The following CYGB variants were observed in gnomAD, a reference collection of about 807,000 sequenced individuals.
CYGB encodes the protein cytoglobin.
In CYGB, 13 loss-of-function variants were observed where a neutral mutation model predicts 20.7. That is an observed-to-expected ratio of 0.63 (90% CI 0.41 to 1.00). The LOEUF is 1.00. CYGB is among the 50% of genes least tolerant of loss of function. The pLI is 0.00. For missense variants in CYGB, 218 were observed against 257.2 expected, an observed-to-expected ratio of 0.85 and a Z score of 1.04; for synonymous variants, 93 against 107.4, an observed-to-expected ratio of 0.87 and a Z score of 0.83.
chr17:76,529,456 G>A, intron 3 of CYGB: 1 of 985,476 alleles, frequency 1.0e-6, no homozygotes, highest in South Asian at 4.7e-5. Context: ...AGGGTGGGGA[G>A]GGCAGGACGG....
In CYGB at chr17:76,530,179, C is replaced by T. The variant is rs2074818936; in HGVS notation, c.539+800G>A. ...GCTGGCTGACCTCTGCTTCCCATTC[C>T]CGCCTCCGCTCCTCTCCTCCTTCCT... On this transcript the variant is annotated intron_variant, in intron 3 of 3. Coordinates refer to ENST00000293230, the MANE Select transcript of CYGB (RefSeq NM_134268.5). The surrounding 1 kb of genome is among the most constrained non-coding windows in gnomAD (Gnocchi z 6.1). Among the ~76,000 whole-genome samples the T allele has an allele frequency of 6.6e-6, 1 of 152,152 alleles. No individual in the cohort carries two copies. The highest frequency in any genetic ancestry group is 6.5e-5 in the Admixed American group (1 of 15,274).
At position 76,537,500 on chromosome 17, in the gene CYGB, G is replaced by T; in HGVS notation, c.43C>A (p.Arg15=). ...TCCGCCTCGGACAGCTCCTCGCTCC[G>T]CTCCCTGCGCTCGATCTCCATCTCG... ...PGEMEIERRE[R]SEELSEAERK... Residue 15 remains arginine (R), a synonymous_variant, in exon 1 of 4, where the codon CGG becomes AGG. Transcript: ENST00000293230. 1 of 1,578,744 alleles carries T rather than the reference G, an allele frequency of 6.3e-7. No individual in the cohort carries two copies. The highest frequency in any genetic ancestry group is 8.6e-7 in the Non-Finnish European group (1 of 1,164,458).
chr17:76,548,806 A>G (rs1283122946), intron 1 of CYGB, among the ~76,000 whole-genome samples: 1 of 152,244 alleles, frequency 6.6e-6, no homozygotes, highest in African/African-American at 2.4e-5. Flanking sequence ...TGCCACAAAC[A>G]ACCAGAAAAC....
upstream of CYGB, among the ~76,000 whole-genome samples, chr17:76,541,007 A>C (rs1267534397): frequency 6.6e-6 from 1 of 152,126 alleles, no homozygotes; most frequent in Non-Finnish European, 1.5e-5. Context: ...CCCCAATAGA[A>C]GGCGCGGGAG....
intron 3 of CYGB, chr17:76,529,267 G>C (rs560727757): frequency 1.9e-5 from 19 of 985,434 alleles, no homozygotes; most frequent in Middle Eastern, 1.0e-3. Flanking sequence ...GTGGGCTAGA[G>C]GGTGTAAAGG....
At chr17:76,529,989 C>A in intron 3 of CYGB, 1 of 985,388 alleles carries the variant, frequency 1.0e-6, no homozygotes, top group Non-Finnish European at 1.2e-6. Flanking sequence ...GCGTCCCCAG[C>A]TGCCCTCAGG....
intron 1 of CYGB, among the ~76,000 whole-genome samples, chr17:76,536,151 G>A (rs931048454): frequency 2.0e-5 from 3 of 152,150 alleles, no homozygotes; most frequent in African/African-American, 7.2e-5. Context: ...CTGGGCTTGG[G>A]GGCTGCTGAG....
chr17:76,542,482 G>C (rs2075003236), upstream of CYGB: 1 of 1,568,734 alleles, frequency 6.4e-7, no homozygotes, highest in South Asian at 1.1e-5. Context: ...GGGAGGAGGA[G>C]GAAGAGGAGA....
rs58359000 is a variant in CYGB, at chr17:76,533,495, C to T, written c.144-1804G>A. Reference sequence around the variant, plus strand: ...ATCCTAGCACTTTACGAGGCCGAGGCGGGTGGATTGCTTGAGCTCAGGCAT... The same window carrying T: ...ATCCTAGCACTTTACGAGGCCGAGGTGGGTGGATTGCTTGAGCTCAGGCAT... On this transcript the variant is annotated intron_variant, in intron 1 of 3. Transcript: ENST00000293230. The surrounding 1 kb of genome is among the most constrained non-coding windows in gnomAD (Gnocchi z 4.5). Among the ~76,000 whole-genome samples the T allele has an allele frequency of 0.039, 6,000 of 152,232 alleles. 267 individuals are homozygous for T. The highest frequency in any genetic ancestry group is 0.11 in the African/African-American group (4,564 of 41,496).
upstream of CYGB, among the ~76,000 whole-genome samples, chr17:76,542,253 G>C (rs1239556539): frequency 6.6e-6 from 1 of 152,192 alleles, no homozygotes; most frequent in Non-Finnish European, 1.5e-5. Flanking sequence ...GGCCTGGCCT[G>C]GCGTGACTTA....
rs768568933 is a variant in CYGB, at chr17:76,527,898, G to T, written c.*680C>A. 311 of 434,144 alleles carry T rather than the reference G, an allele frequency of 7.2e-4. 4 individuals carry two copies. Among genetic ancestry groups the T allele is most frequent in the Middle Eastern group, 1.5e-3 (2 of 1,374 alleles). 26.9% of individuals were successfully genotyped at this position (434,144 alleles called of 1,614,324 possible). On this transcript the variant is annotated 3_prime_UTR_variant, in exon 4 of 4. Coordinates refer to ENST00000293230, the MANE Select transcript of CYGB (RefSeq NM_134268.5). ...CTTTCTGCCTGGAAGTGGAATTCAG[G>T]AATGTGGGGAGCTGGTCTGAGAAGG...
upstream of CYGB, chr17:76,538,318 G>C (rs912141874): frequency 6.7e-6 from 2 of 298,898 alleles, no homozygotes; most frequent in Non-Finnish European, 1.3e-5. Flanking sequence ...CCCAGGCTCT[G>C]GGGGGTTAGC....
At chr17:76,534,150 C>T (rs888345844) in intron 1 of CYGB, among the ~76,000 whole-genome samples, 11 of 80,408 alleles carry the variant, frequency 1.4e-4, no homozygotes, top group African/African-American at 6.2e-4. Context: ...TTCTCTTTCT[C>T]TCTCTCTCTC....
intron 1 of CYGB, among the ~76,000 whole-genome samples, chr17:76,534,174 C>CTCTCTCTT (rs1567907867): frequency 9.4e-5 from 10 of 106,106 alleles, no homozygotes; most frequent in Admixed American, 7.9e-4. Context: ...CTCTCTCTCT[C>CTCTCTCTT]TCTTTCTTTC....
chr17:76,537,385 C>T lies in CYGB; in HGVS notation c.143+15G>A. The T allele has an allele frequency of 1.3e-6, 2 of 1,581,218 alleles. No homozygotes were observed. Among genetic ancestry groups the T allele is most frequent in the South Asian group, 1.1e-5 (1 of 88,668 alleles). On this transcript the variant is annotated intron_variant, in intron 1 of 3. Transcript: ENST00000293230. ...CCTCCCTGCCCAGGGCCCGGCCGGG[C>T]CGGGCGACACCTACCTCACCAGGAT...
At chr17:76,550,987 T>A (rs1306651201) in exon 1 of CYGB, 1 of 152,202 alleles carries the variant, frequency 6.6e-6, no homozygotes, top group Non-Finnish European at 1.5e-5. Context: ...AGAAGTGAGG[T>A]GACCTTTGCC....
At position 76,528,554 on chromosome 17, in the gene CYGB, G is replaced by T. The variant is rs1461011853; in HGVS notation, c.*24C>A. 2 of 1,291,284 alleles carry T rather than the reference G, an allele frequency of 1.5e-6. No individual in the cohort carries two copies. The highest frequency in any genetic ancestry group is 2.0e-6 in the Non-Finnish European group (2 of 1,011,528). 80.0% of individuals were successfully genotyped at this position (1,291,284 alleles called of 1,614,324 possible). ...CGGCCTTCTGCTCGAGGTGCTGCCA[G>T]GGAGGGGGGTGGAGTTAGGGGTCCT... On this transcript the variant is annotated 3_prime_UTR_variant, in exon 4 of 4. Transcript: ENST00000293230. The surrounding 1 kb of genome is among the most constrained non-coding windows in gnomAD (Gnocchi z 5.8).
Position 76,531,739 on chromosome 17 carries a change from G to A in CYGB, c.144-48C>T. On this transcript the variant is annotated intron_variant, in intron 1 of 3. Transcript: ENST00000293230. The surrounding 1 kb of genome is among the most constrained non-coding windows in gnomAD (Gnocchi z 7.4). Reference sequence around the variant, plus strand: ...TCGCTGAAGCTGGAGGCTGCCTCGGGCCCACCCTGAAGCTTCCAGGATAGT... The same window carrying A: ...TCGCTGAAGCTGGAGGCTGCCTCGGACCCACCCTGAAGCTTCCAGGATAGT... 1 of 1,512,296 alleles carries A rather than the reference G, an allele frequency of 6.6e-7. No individual in the cohort carries two copies. The highest frequency in any genetic ancestry group is 9.0e-7 in the Non-Finnish European group (1 of 1,109,214). The allele number at this position is 1,512,296 out of a possible 1,614,324, so 93.7% of individuals were successfully genotyped here.
intron 1 of CYGB, chr17:76,544,436 C>G (rs2075030401): frequency 4.4e-6 from 2 of 454,812 alleles, no homozygotes; most frequent in Non-Finnish European, 8.8e-6. Flanking sequence ...GGAGGTGCAC[C>G]CCGCTGGGGA....
Sources: allele counts gnomAD v4.1 joint callset (sites outside exome capture counted in the v4.1 genomes callset), GRCh38; gene constraint gnomAD v4.1.1; non-coding constraint Gnocchi (gnomAD v3.1); transcripts MANE v1.5; gene names NCBI Gene and HGNC (gene_info 2026-07-23, HGNC 2026-07-21).